The following MTMR1 variants were observed in gnomAD, a reference collection of about 807,000 sequenced individuals.
MTMR1 encodes the protein phosphatidylinositol-3-phosphate phosphatase MTMR1.
Under a neutral mutation model 51.6 loss-of-function variants are expected in MTMR1, and 17 were observed. The ratio of observed to expected loss-of-function variants is 0.33; its 90% CI spans 0.23 to 0.49. MTMR1 has a LOEUF of 0.49. Ranked by LOEUF, MTMR1 falls within the 20% of genes least tolerant of loss-of-function variation. MTMR1 has a pLI of 0.99. For missense variants in MTMR1, 386 were observed against 526.9 expected, an observed-to-expected ratio of 0.73 and a Z score of 2.62; for synonymous variants, 201 against 205.6, an observed-to-expected ratio of 0.98 and a Z score of 0.19.
chrX:150,712,504 A>G (rs781897279), intron 3 of MTMR1, 139 bp downstream of exon 3: 1 of 569,904 alleles, frequency 1.8e-6, no homozygotes, highest in East Asian at 3.8e-5. Context: ...CTGCTGTGTT[A>G]TAGCTTTCAG....
chrX:150,751,305 A>C (rs1429599307), intron 14 of MTMR1: 1 of 608,103 alleles, frequency 1.6e-6, no homozygotes, highest in Non-Finnish European at 2.0e-6. Flanking sequence ...TCTCAGAGTT[A>C]CATCTCATTT....
At chrX:150,760,842 G>A (rs113645706) in intron 15 of MTMR1, among the ~76,000 whole-genome samples, 2,755 of 109,091 alleles carry the variant, frequency 0.025, 48 homozygotes, top group Middle Eastern at 0.042. Context: ...CAGGAGAATC[G>A]CTTGAATTCG....
chrX:150,737,487 C>T (rs782310598), intron 12 of MTMR1, 39 bp downstream of exon 12: 20 of 1,122,301 alleles, frequency 1.8e-5, no homozygotes, highest in African/African-American at 1.6e-4. Flanking sequence ...GACTGTTTTG[C>T]GGTATCATAT....
intron 1 of MTMR1, among the ~76,000 whole-genome samples, chrX:150,695,942 G>T (rs151152276): frequency 1.8e-5 from 2 of 111,698 alleles, no homozygotes; most frequent in African/African-American, 6.5e-5. Context: ...GGGGAGTGCC[G>T]GGTGGACTCC....
intron 2 of MTMR1, among the ~76,000 whole-genome samples, chrX:150,711,571 G>A (rs1467055744): frequency 8.9e-6 from 1 of 112,101 alleles, no homozygotes; most frequent in African/African-American, 3.2e-5. Flanking sequence ...TGTGTATGCT[G>A]CATGTTCAAT....
intron 13 of MTMR1, among the ~76,000 whole-genome samples, chrX:150,750,065 C>T (rs1022635241): frequency 2.7e-5 from 3 of 109,477 alleles, no homozygotes; most frequent in Non-Finnish European, 5.7e-5. Context: ...TGCAGTGAGC[C>T]GAGATGGCGC....
intron 2 of MTMR1, among the ~76,000 whole-genome samples, chrX:150,710,964 T>A (rs782478898): frequency 8.0e-5 from 9 of 112,513 alleles, no homozygotes; most frequent in Non-Finnish European, 1.5e-4. Context: ...AAAATAGATC[T>A]AGTTAAGTGT....
chrX:150,705,625 G>A (rs1177557614), intron 2 of MTMR1, among the ~76,000 whole-genome samples: 1 of 111,984 alleles, frequency 8.9e-6, no homozygotes, highest in Non-Finnish European at 1.9e-5. Flanking sequence ...CAGGAATGAA[G>A]AGGAAATCAA....
chrX:150,698,727 A>AC lies in MTMR1; in HGVS notation c.147-468_147-467insC, dbSNP rs1557415824. Among the ~76,000 whole-genome samples the AC allele has an allele frequency of 1.2e-3, 106 of 85,960 alleles. No individual in the cohort carries two copies. In the East Asian group the frequency reaches 0.029, roughly 24 times the overall value. The allele number at this position is 85,960 out of a possible 115,157, so 74.6% of individuals were successfully genotyped here. On this transcript the variant is annotated intron_variant, in intron 1 of 15. Coordinates refer to ENST00000445323, the MANE Select transcript of MTMR1 (RefSeq NM_001306144.3). Reference sequence around the variant, plus strand: ...ACACACACACACACACACACACACAAAAGCCGGGCCTGGTGGCATGTGCCT... The same window carrying AC: ...ACACACACACACACACACACACACAACAAGCCGGGCCTGGTGGCATGTGCCT...
intron 12 of MTMR1, among the ~76,000 whole-genome samples, chrX:150,739,770 G>C (rs1557417266): frequency 8.9e-6 from 1 of 112,500 alleles, no homozygotes; most frequent in African/African-American, 3.2e-5. Flanking sequence ...TTAATGTGCA[G>C]CATCTTGTTT....
chrX:150,712,277 T>C, intron 2 of MTMR1, 65 bp from the exon 3 acceptor site: 1 of 1,024,088 alleles, frequency 9.8e-7, no homozygotes, highest in Non-Finnish European at 1.3e-6. Context: ...TTGAACTTAA[T>C]GGCATCTTTC....
intron 12 of MTMR1, among the ~76,000 whole-genome samples, chrX:150,737,705 A>G (rs1333643461): frequency 8.9e-6 from 1 of 112,098 alleles, no homozygotes; most frequent in Non-Finnish European, 1.9e-5. Context: ...AGAATTAACC[A>G]TTTAAAATGC....
chrX:150,755,597 C>G (rs1255925382), intron 14 of MTMR1, 92 bp from the exon 15 acceptor site: 1 of 695,125 alleles, frequency 1.4e-6, no homozygotes, highest in Non-Finnish European at 2.0e-6. Flanking sequence ...CGTTTGAATT[C>G]ACTTCATTAT....
chrX:150,730,651 A>G, intron 8 of MTMR1, 43 bp downstream of exon 8: 1 of 826,056 alleles, frequency 1.2e-6, no homozygotes, highest in Non-Finnish European at 1.7e-6. Context: ...TAGGTTGAGC[A>G]TCTTTTTCTC....
chrX:150,702,268 G>A, intron 2 of MTMR1, among the ~76,000 whole-genome samples: 1 of 110,117 alleles, frequency 9.1e-6, no homozygotes, highest in Non-Finnish European at 1.9e-5. Flanking sequence ...TCCCAAGACA[G>A]CATTCTCTGG....
chrX:150,738,736 A>G (rs1557417246), intron 12 of MTMR1, among the ~76,000 whole-genome samples: 1 of 111,758 alleles, frequency 8.9e-6, no homozygotes, highest in Non-Finnish European at 1.9e-5. Flanking sequence ...CAATGCCCTC[A>G]TTTGAACTTC....
rs782289648 is a variant in MTMR1, at chrX:150,762,722, C to T, written c.2015C>T (p.Ser672Leu). The T allele has an allele frequency of 6.4e-5, 75 of 1,165,233 alleles. No individual in the cohort carries two copies. Among genetic ancestry groups the T allele is most frequent in the East Asian group, 1.2e-4 (4 of 32,542 alleles). Residue 672 changes from serine to leucine, a missense_variant, in exon 16 of 16, where the codon TCG (serine) becomes TTG (leucine). Physicochemically the swap from Ser to Leu is moderately radical, Grantham distance 145. Coordinates refer to ENST00000445323, the MANE Select transcript of MTMR1 (RefSeq NM_001306144.3). ...PSHSATSVHT[S>L]V ...CACTCCGCCACCTCCGTCCACACCTCGGTCTGATGGGCGAGGTCAGCCTGC... is the reference window on the plus strand; with the variant it reads ...CACTCCGCCACCTCCGTCCACACCTTGGTCTGATGGGCGAGGTCAGCCTGC...
intron 2 of MTMR1, among the ~76,000 whole-genome samples, chrX:150,701,151 A>G (rs188528476): frequency 4.4e-5 from 5 of 112,502 alleles, no homozygotes; most frequent in African/African-American, 1.6e-4. Flanking sequence ...CAAATCTGAA[A>G]AGTTGGTGTT....
chrX:150,741,290 C>T (rs1557417313), intron 12 of MTMR1, among the ~76,000 whole-genome samples: 2 of 112,124 alleles, frequency 1.8e-5, no homozygotes, highest in African/African-American at 6.5e-5. Context: ...TCCCTTGCCC[C>T]GTCTAAGCCT....
Sources: gnomAD v4.1 joint callset for allele counts (sites outside exome capture counted in the v4.1 genomes callset) on GRCh38, gnomAD v4.1.1 for gene constraint, MANE v1.5 for transcripts, NCBI Gene and HGNC (gene_info 2026-07-23, HGNC 2026-07-21) for gene names.